The following SGK3 variants were observed in gnomAD, a reference collection of about 807,000 sequenced individuals.
SGK3 encodes serum/glucocorticoid regulated kinase family member 3.
SGK3 carries 47 observed loss-of-function variants against 68.5 expected under a neutral mutation model. That is an observed-to-expected ratio of 0.69 (90% CI 0.54 to 0.87). The LOEUF is 0.87. Ranked by LOEUF, SGK3 falls within the 40% of genes least tolerant of loss-of-function variation. The pLI, the probability that SGK3 is intolerant of heterozygous loss-of-function variation, is 0.00. For missense variants in SGK3, 479 were observed against 575.5 expected (o/e 0.83, Z 1.72); for synonymous variants, 181 against 189.1 (o/e 0.96, Z 0.35).
At chr8:66,726,239 A>C (rs1804983194) in intron 1 of SGK3, among the ~76,000 whole-genome samples, 1 of 152,174 alleles carries the variant, frequency 6.6e-6, no homozygotes, top group African/African-American at 2.4e-5. Flanking sequence ...ACTCATAATA[A>C]CGCTGTGGGA....
chr8:66,828,837 G>A (rs1809175111), intron 7 of SGK3, 134 bp downstream of exon 7: 2 of 1,143,862 alleles, frequency 1.7e-6, no homozygotes, highest in Admixed American at 1.9e-5. Context: ...AGTGAATACA[G>A]TGCTGTCATA....
At chr8:66,749,172 T>C (rs1415570999) in intron 1 of SGK3, among the ~76,000 whole-genome samples, 1 of 152,200 alleles carries the variant, frequency 6.6e-6, no homozygotes, top group Admixed American at 6.5e-5. Flanking sequence ...AGTTATTCAG[T>C]CAATATACGT....
chr8:66,789,002 C>G (rs927034496), intron 1 of SGK3, among the ~76,000 whole-genome samples: 1 of 152,088 alleles, frequency 6.6e-6, no homozygotes, highest in African/African-American at 2.4e-5. Context: ...TGAAGGTATA[C>G]TGCCTTTCTG....
chr8:66,831,034 T>C (rs1340351574), intron 7 of SGK3, among the ~76,000 whole-genome samples: 1 of 152,214 alleles, frequency 6.6e-6, no homozygotes, highest in Non-Finnish European at 1.5e-5. Context: ...TAATGAGGCT[T>C]AAAGTTATGA....
intron 4 of SGK3, among the ~76,000 whole-genome samples, chr8:66,806,226 C>G (rs1419406494): frequency 6.6e-6 from 1 of 151,762 alleles, no homozygotes; most frequent in Non-Finnish European, 1.5e-5. Context: ...GTATATAGCA[C>G]ATTTCATTGT....
At chr8:66,809,324 G>T (rs1053564393) in intron 4 of SGK3, among the ~76,000 whole-genome samples, 1 of 152,152 alleles carries the variant, frequency 6.6e-6, no homozygotes, top group African/African-American at 2.4e-5. Flanking sequence ...AAGAAATGGT[G>T]ATCCCAGATC....
chr8:66,803,069 A>G (rs1248180957), intron 3 of SGK3, among the ~76,000 whole-genome samples: 1 of 152,230 alleles, frequency 6.6e-6, no homozygotes, highest in African/African-American at 2.4e-5. Flanking sequence ...TTAATATTGG[A>G]TATCCAATTA....
At chr8:66,734,294 G>C (rs1474733618) in intron 1 of SGK3, among the ~76,000 whole-genome samples, 1 of 142,722 alleles carries the variant, frequency 7.0e-6, no homozygotes, top group Non-Finnish European at 1.5e-5. Context: ...AGATGGATCA[G>C]CATGATTGGT....
intron 8 of SGK3, among the ~76,000 whole-genome samples, chr8:66,833,678 A>G (rs1208190729): frequency 1.3e-5 from 2 of 151,986 alleles, no homozygotes; most frequent in Non-Finnish European, 1.5e-5. Flanking sequence ...TCCCAATACT[A>G]TTTTGTGGTA....
rs986160094 is a variant in SGK3 at position 66,861,788 on chromosome 8, G to A, written c.*2207G>A. 11 of 151,906 alleles carry A rather than the reference G, an allele frequency of 7.2e-5. No individual in the cohort carries two copies. Among genetic ancestry groups the A allele is most frequent in the Admixed American group, 2.0e-4 (3 of 15,238 alleles). The allele number at this position is 151,906 out of a possible 1,614,324, so 9.4% of individuals were successfully genotyped here. ...TTTAATATCTATACTGTAAATATTTGGTTTATTTGGCACTACTGTAAGTTT... is the reference window on the plus strand; with the variant it reads ...TTTAATATCTATACTGTAAATATTTAGTTTATTTGGCACTACTGTAAGTTT... On this transcript the variant is annotated 3_prime_UTR_variant, in exon 17 of 17. Transcript: ENST00000521198.
intron 1 of SGK3, among the ~76,000 whole-genome samples, chr8:66,788,906 G>A (rs1019413402): frequency 6.6e-6 from 1 of 152,184 alleles, no homozygotes; most frequent in African/African-American, 2.4e-5. Flanking sequence ...TGATGGACCA[G>A]TGTGGTGATC....
At chr8:66,760,932 G>A (rs766949523) in intron 1 of SGK3, among the ~76,000 whole-genome samples, 4 of 150,838 alleles carry the variant, frequency 2.7e-5, no homozygotes, top group African/African-American at 7.3e-5. Flanking sequence ...CAGGAGAATC[G>A]CTTGAACCAG....
chr8:66,722,936 G>A (rs1804837729), intron 1 of SGK3, among the ~76,000 whole-genome samples: 1 of 151,388 alleles, frequency 6.6e-6, no homozygotes, highest in African/African-American at 2.4e-5. Flanking sequence ...ACAGCACCAA[G>A]CCATGAGGGA....
intron 14 of SGK3, among the ~76,000 whole-genome samples, chr8:66,844,017 A>C (rs1010961982): frequency 6.7e-6 from 1 of 150,310 alleles, no homozygotes; most frequent in Admixed American, 6.6e-5. Context: ...AAAAAAAAAA[A>C]AACCCTTTTT....
At chr8:66,823,604 G>T (rs940810025) in intron 6 of SGK3, among the ~76,000 whole-genome samples, 2 of 151,880 alleles carry the variant, frequency 1.3e-5, no homozygotes, top group East Asian at 1.9e-4. Context: ...CACCATATTT[G>T]CCAGGCTGCT....
At position 66,796,941 on chromosome 8, in the gene SGK3, G is replaced by GAA. The variant is rs1563632560; in HGVS notation, c.97-1601_97-1600insAA. ...AGGATTTCACAGGAAATCTAATCTT[G>GAA]TTTTTTTTTTTTTTACCAATGGAAA... is the stretch of plus-strand genomic sequence containing the variant. On this transcript the variant is annotated intron_variant, in intron 2 of 16. Transcript: ENST00000521198. 2.5e-4 allele frequency among the ~76,000 whole-genome samples: 34 copies of GAA among 135,930 alleles called. No homozygotes were observed. The East Asian group carries it at 7.6e-3, about 30-fold the overall frequency. 89.2% of individuals were successfully genotyped at this position (135,930 alleles called of 152,430 possible).
intron 1 of SGK3, among the ~76,000 whole-genome samples, chr8:66,729,930 G>A (rs1452235413): frequency 6.6e-6 from 1 of 151,950 alleles, no homozygotes; most frequent in East Asian, 1.9e-4. Context: ...ATTTTTAGTG[G>A]AGATGGGGTT....
rs573420507 is a variant in SGK3, at chr8:66,758,016, A to G, written c.-121-35600A>G. On this transcript the variant is annotated intron_variant, in intron 1 of 16. Transcript: ENST00000521198. ...ATATATATACACACACACACTACACACACACACACACACACACACACCCTT... is the reference window on the plus strand; with the variant it reads ...ATATATATACACACACACACTACACGCACACACACACACACACACACCCTT... Among the ~76,000 whole-genome samples, 37 of 149,578 alleles carry G rather than the reference A, an allele frequency of 2.5e-4. No individual in the cohort carries two copies. In the East Asian group the frequency reaches 7.1e-3, roughly 29 times the overall value.
At chr8:66,854,815 A>G (rs1810440614) in intron 16 of SGK3, among the ~76,000 whole-genome samples, 1 of 152,096 alleles carries the variant, frequency 6.6e-6, no homozygotes, top group Admixed American at 6.6e-5. Flanking sequence ...TAGGTCCTTG[A>G]TATGCATTGC....
Sources: allele counts gnomAD v4.1 joint callset (sites outside exome capture counted in the v4.1 genomes callset), GRCh38; gene constraint gnomAD v4.1.1; transcripts MANE v1.5; gene names NCBI Gene and HGNC (gene_info 2026-07-23, HGNC 2026-07-21).